Variants in CALN1 observed in about 807,000 individuals in gnomAD.
The protein encoded by CALN1 is calcium-binding protein 8.
In CALN1, 17 loss-of-function variants were observed where a neutral mutation model predicts 30.6. The ratio of observed to expected loss-of-function variants is 0.56; its 90% CI spans 0.38 to 0.83. CALN1 has a LOEUF of 0.83. Ranked by LOEUF, CALN1 falls within the 40% of genes least tolerant of loss-of-function variation. The probability of loss-of-function intolerance (pLI) is 0.00; values close to 1 mark genes in which losing one functional copy is unlikely to be tolerated. For synonymous variants in CALN1, 156 were observed against 131.4 expected, an observed-to-expected ratio of 1.19 and a Z score of -1.28; for missense variants, 291 against 354.9, an observed-to-expected ratio of 0.82 and a Z score of 1.45.
chr7:72,498,006 T>G, the CALN1 span, among the ~76,000 whole-genome samples: 1 of 152,032 alleles, frequency 6.6e-6, no homozygotes, highest in Non-Finnish European at 1.5e-5. Flanking sequence ...GAAGAAATCT[T>G]AGAACTGAAA....
chr7:71,840,018 G>T (rs191970657), intron 5 of CALN1, among the ~76,000 whole-genome samples: 18 of 152,302 alleles, frequency 1.2e-4, no homozygotes, highest in East Asian at 1.2e-3. Context: ...GGGGCTCAAA[G>T]AATCTGGGTT....
intron 1 of CALN1, 66 bp from the exon 2 acceptor site, chr7:72,403,508 C>T: frequency 5.0e-6 from 3 of 601,552 alleles, no homozygotes; most frequent in African/African-American, 3.7e-5. Context: ...TCAAAGCCTG[C>T]CGCCTAAATA....
chr7:72,392,482 G>C (rs370616802), intron 2 of CALN1, among the ~76,000 whole-genome samples: 1 of 152,184 alleles, frequency 6.6e-6, no homozygotes, highest in Non-Finnish European at 1.5e-5. Flanking sequence ...GACTGAGGAA[G>C]GGGCACATAG....
At chr7:72,396,254 A>AG (rs1554399565) in intron 2 of CALN1, among the ~76,000 whole-genome samples, 66 of 78,136 alleles carry the variant, frequency 8.4e-4, no homozygotes, top group African/African-American at 1.5e-3. Context: ...AAAAAAAAAA[A>AG]AAAGAAAGAA....
chr7:72,118,462 T>C (rs187790867), intron 3 of CALN1, among the ~76,000 whole-genome samples: 1 of 152,336 alleles, frequency 6.6e-6, no homozygotes, highest in African/African-American at 2.4e-5. Flanking sequence ...GCTAGAGGCA[T>C]TTCTAAGGGT....
chr7:71,803,005 C>T (rs1009205091), intron 6 of CALN1, among the ~76,000 whole-genome samples: 1 of 151,618 alleles, frequency 6.6e-6, no homozygotes, highest in South Asian at 2.1e-4. Flanking sequence ...GCCTGGATGA[C>T]AGAACAAGAC....
chr7:72,197,806 T>C (rs1469038869), intron 3 of CALN1, among the ~76,000 whole-genome samples: 3 of 152,250 alleles, frequency 2.0e-5, no homozygotes, highest in Non-Finnish European at 4.4e-5. Flanking sequence ...CAGTGAGGTA[T>C]GATCATGCCA....
intron 4 of CALN1, among the ~76,000 whole-genome samples, chr7:72,036,748 C>G (rs1455294428): frequency 6.6e-6 from 1 of 151,838 alleles, no homozygotes; most frequent in East Asian, 1.9e-4. Context: ...CAATGTCTTT[C>G]TTTATTCTTT....
intron 5 of CALN1, among the ~76,000 whole-genome samples, chr7:71,837,898 G>A (rs1789714532): frequency 6.6e-6 from 1 of 151,420 alleles, no homozygotes; most frequent in South Asian, 2.1e-4. Flanking sequence ...CATAAGCAAA[G>A]ATCAAAACGC....
At chr7:72,027,509 G>A (rs1801141416) in intron 4 of CALN1, among the ~76,000 whole-genome samples, 1 of 151,928 alleles carries the variant, frequency 6.6e-6, no homozygotes, top group Admixed American at 6.6e-5. Context: ...CCAGGAGTTT[G>A]AGACCAGCTT....
intron 3 of CALN1, among the ~76,000 whole-genome samples, chr7:72,114,857 A>G (rs1291455666): frequency 6.6e-6 from 1 of 152,048 alleles, no homozygotes; most frequent in Admixed American, 6.6e-5. Context: ...TGCTGGGCGT[A>G]GTGGCACATG....
intron 3 of CALN1, among the ~76,000 whole-genome samples, chr7:72,253,386 AGTTT>A (rs1795695686): frequency 6.6e-6 from 1 of 152,148 alleles, no homozygotes; most frequent in Non-Finnish European, 1.5e-5. Context: ...CATTTGTGTT[AGTTT>A]GTTTTAAGGA....
At chr7:72,278,604 G>A in intron 3 of CALN1, 82 bp downstream of exon 3, 2 of 1,569,124 alleles carry the variant, frequency 1.3e-6, no homozygotes, top group Non-Finnish European at 1.7e-6. Context: ...CCAAAGTCCA[G>A]GGCTTTCAAT....
chr7:72,018,512 CT>C (rs1483793782), intron 5 of CALN1, among the ~76,000 whole-genome samples: 5 of 152,194 alleles, frequency 3.3e-5, no homozygotes, highest in Non-Finnish European at 7.3e-5. Context: ...ACAATCACAG[CT>C]TTACAACTTA....
intron 3 of CALN1, among the ~76,000 whole-genome samples, chr7:72,273,303 T>C (rs1473703449): frequency 1.3e-5 from 2 of 150,370 alleles, no homozygotes; most frequent in Non-Finnish European, 3.0e-5. Context: ...ATGCCCATAA[T>C]CCCAGCTACT....
intron 4 of CALN1, among the ~76,000 whole-genome samples, chr7:72,079,971 A>G (rs1023091294): frequency 2.0e-5 from 3 of 151,790 alleles, no homozygotes; most frequent in African/African-American, 7.2e-5. Flanking sequence ...GGGTTTTGCC[A>G]TGTTGGCCAG....
chr7:71,937,284 T>C (rs1584553134), intron 5 of CALN1, among the ~76,000 whole-genome samples: 3 of 151,944 alleles, frequency 2.0e-5, no homozygotes, highest in South Asian at 2.1e-4. Flanking sequence ...CACTCCAGCC[T>C]GGGCAACAAG....
intron 5 of CALN1, among the ~76,000 whole-genome samples, chr7:71,951,074 C>T (rs1037373835): frequency 2.0e-5 from 3 of 152,320 alleles, no homozygotes; most frequent in African/African-American, 4.8e-5. Flanking sequence ...TCTGCCCCAT[C>T]TCTCTCATTC....
At chr7:71,881,387 T>C (rs1028044560) in intron 5 of CALN1, among the ~76,000 whole-genome samples, 1 of 152,198 alleles carries the variant, frequency 6.6e-6, no homozygotes, top group Non-Finnish European at 1.5e-5. Context: ...TCTGTCCGTC[T>C]AGAAAACCCC....
Sources: allele counts gnomAD v4.1 joint callset (sites outside exome capture counted in the v4.1 genomes callset), GRCh38; gene constraint gnomAD v4.1.1; transcripts MANE v1.5; gene names NCBI Gene and HGNC (gene_info 2026-07-23, HGNC 2026-07-21).